AS3MT: variants seen among roughly 807,000 people sequenced by gnomAD.
AS3MT encodes arsenite methyltransferase.
A neutral mutation model predicts 45.3 loss-of-function variants in AS3MT; 47 were observed. The observed-to-expected ratio is 1.04, with a 90% CI of 0.82 to 1.32. The LOEUF (loss-of-function observed/expected upper bound fraction) is 1.32, where lower values mean the gene tolerates loss of function less well. AS3MT is among the 40% of genes most tolerant of loss of function. The pLI, the probability that AS3MT is intolerant of heterozygous loss-of-function variation, is 0.00. For synonymous variants in AS3MT, 141 were observed against 152.8 expected (o/e 0.92, Z 0.57); for missense variants, 396 against 451.1 (o/e 0.88, Z 1.11).
At chr10:102,878,314 A>G in intron 7 of AS3MT, 65 bp from the exon 8 acceptor site, 1 of 1,565,246 alleles carries the variant, frequency 6.4e-7, no homozygotes, top group Non-Finnish European at 8.6e-7. Flanking sequence ...ATAGAAGAAT[A>G]GTTCCCTTAA....
At chr10:102,871,711 G>C (rs1423204289) in intron 3 of AS3MT, among the ~76,000 whole-genome samples, 1 of 147,872 alleles carries the variant, frequency 6.8e-6, no homozygotes, top group Non-Finnish European at 1.5e-5. Context: ...CTGGGCGACA[G>C]AGCGAGACTC....
At chr10:102,895,838 C>T (rs998022949) in intron 10 of AS3MT, among the ~76,000 whole-genome samples, 4 of 151,568 alleles carry the variant, frequency 2.6e-5, no homozygotes, top group African/African-American at 7.3e-5. Flanking sequence ...TGCAATGGTG[C>T]GGTCTTGGCT....
rs1844821347 is a variant in AS3MT, at chr10:102,878,422, C to T, written c.654C>T (p.Val218=). The change falls in exon 8 of 11, where the codon GTC becomes GTT. Residue 218 remains valine (V), a synonymous_variant. Coordinates refer to ENST00000369880, the MANE Select transcript of AS3MT (RefSeq NM_020682.4). ...CTTTATACTGGAAGGAACTTGCTGT[C>T]CTTGCTCAAAAAATTGGGTTCTGCC... is the stretch of plus-strand genomic sequence containing the variant. ...GGALYWKELA[V]LAQKIGFCPP... is the part of the protein sequence containing the mutation. 6.2e-7 allele frequency: 1 copy of T among 1,613,790 alleles called. No individual in the cohort carries two copies. The highest frequency in any genetic ancestry group is 8.5e-7 in the Non-Finnish European group (1 of 1,179,996).
At chr10:102,889,401 A>G (rs1025578977) in intron 9 of AS3MT, among the ~76,000 whole-genome samples, 4 of 152,054 alleles carry the variant, frequency 2.6e-5, no homozygotes. Flanking sequence ...CTTGCTGCAA[A>G]TGACAGGATT....
chr10:102,898,911 G>T (rs1845226873), intron 10 of AS3MT, among the ~76,000 whole-genome samples: 1 of 152,164 alleles, frequency 6.6e-6, no homozygotes. Flanking sequence ...CCAGTGTGCT[G>T]CTCCATCTCT....
At chr10:102,872,785 C>T (rs141498202) in intron 4 of AS3MT, among the ~76,000 whole-genome samples, 187 bp downstream of exon 4, 22 of 152,250 alleles carry the variant, frequency 1.4e-4, no homozygotes, top group Admixed American at 1.0e-3. Context: ...TTCTTCTGGG[C>T]GAACACAAGA....
chr10:102,870,076 TG>T lies in AS3MT; in HGVS notation c.43-5del. The stretch of plus-strand genomic sequence containing the variant: ...TACCCCTCACTCCACTGTGGGACGC[TG>T]GGTCAGACCTACTACGGGCAGGTGC... On this transcript the variant is annotated splice_polypyrimidine_tract_variant and splice_region_variant and intron_variant, in intron 2 of 10. Transcript: ENST00000369880. 6.2e-7 allele frequency: 1 copy of T among 1,613,650 alleles called. No homozygotes were observed.
chr10:102,895,133 C>T (rs761691777), intron 10 of AS3MT, among the ~76,000 whole-genome samples: 12 of 152,006 alleles, frequency 7.9e-5, no homozygotes, highest in Non-Finnish European at 1.6e-4. Flanking sequence ...TGAATTTATA[C>T]AGCTTAACTT....
chr10:102,889,618 T>G (rs7476192), intron 9 of AS3MT, among the ~76,000 whole-genome samples: 21,765 of 93,932 alleles, frequency 0.23, 1,989 homozygotes, highest in East Asian at 0.37. Context: ...CTGCCTGCCT[T>G]CCTTCCTTCC....
At chr10:102,876,026 G>A (rs1590220116) in intron 6 of AS3MT, among the ~76,000 whole-genome samples, 2 of 152,136 alleles carry the variant, frequency 1.3e-5, no homozygotes, top group African/African-American at 4.8e-5. Flanking sequence ...ATTTAGTGAT[G>A]TCTTTGTTAG....
intron 10 of AS3MT, among the ~76,000 whole-genome samples, chr10:102,893,495 C>CT (rs35072963): frequency 0.01 from 1,100 of 106,164 alleles, 6 homozygotes; most frequent in Non-Finnish European, 0.014. Flanking sequence ...ATTTTTTTTT[C>CT]TTTTTTTTTT....
chr10:102,878,910 C>A lies in AS3MT; in HGVS notation c.804C>A (p.Thr268=). ...TCAAACACTCTAAGACAGGACCAACCAAGAGATGCCAAGTTATTTACAATG... is the reference window on the plus strand; with the variant it reads ...TCAAACACTCTAAGACAGGACCAACAAAGAGATGCCAAGTTATTTACAATG... ...RLFKHSKTGP[T]KRCQVIYNGG... The change falls in exon 9 of 11, where the codon ACC becomes ACA. Residue 268 remains threonine, a synonymous_variant. Coordinates refer to ENST00000369880, the MANE Select transcript of AS3MT (RefSeq NM_020682.4). 6.2e-7 allele frequency: 1 copy of A among 1,613,982 alleles called. No homozygotes were observed. The highest frequency in any genetic ancestry group is 1.1e-5 in the South Asian group (1 of 91,074).
At chr10:102,874,020 C>T (rs1187997207) in intron 5 of AS3MT, among the ~76,000 whole-genome samples, 1 of 151,914 alleles carries the variant, frequency 6.6e-6, no homozygotes, top group Non-Finnish European at 1.5e-5. Context: ...TTTGGGAGGC[C>T]GAGGCAGGTG....
At chr10:102,883,137 G>A (rs1267507421) in intron 9 of AS3MT, among the ~76,000 whole-genome samples, 1 of 143,488 alleles carries the variant, frequency 7.0e-6, no homozygotes, top group East Asian at 2.1e-4. Flanking sequence ...GTCTTGCTCT[G>A]TTGCCCAGGC....
intron 9 of AS3MT, among the ~76,000 whole-genome samples, chr10:102,885,543 T>G (rs1200905781): frequency 7.0e-5 from 2 of 28,436 alleles, no homozygotes; most frequent in African/African-American, 2.3e-4. Context: ...TTTTTTTTTT[T>G]TTTTGAGACG....
In AS3MT at chr10:102,901,662, G is replaced by A. The variant is rs1845271706; in HGVS notation, c.*962G>A. ...TCAAGAAGCAGGAAAGGCATCAGAA[G>A]AAGTAACAGTTGGCAGAGGGTCTCA... On this transcript the variant is annotated 3_prime_UTR_variant, in exon 11 of 11. Transcript: ENST00000369880. The A allele has an allele frequency of 6.6e-6, 1 of 152,176 alleles. No individual in the cohort carries two copies. Among genetic ancestry groups the A allele is most frequent in the African/African-American group, 2.4e-5 (1 of 41,444 alleles). 9.4% of individuals were successfully genotyped at this position (152,176 alleles called of 1,614,324 possible).
chr10:102,893,058 C>CAA (rs34643607), intron 10 of AS3MT, among the ~76,000 whole-genome samples: 1,737 of 142,002 alleles, frequency 0.012, 35 homozygotes, highest in African/African-American at 0.036. Flanking sequence ...TGAAAGACCA[C>CAA]AAAAAAAAAA....
At chr10:102,899,325 C>T (rs755186512) in intron 10 of AS3MT, among the ~76,000 whole-genome samples, 17 of 152,004 alleles carry the variant, frequency 1.1e-4, no homozygotes, top group Non-Finnish European at 2.1e-4. Context: ...GCAGGAGTTC[C>T]AGTATACTGA....
rs527286262 is a variant in AS3MT at position 102,871,256 on chromosome 10, C to CA, written c.170+1053dup. 7.1e-4 allele frequency among the ~76,000 whole-genome samples: 104 copies of CA among 147,002 alleles called. No homozygotes were observed. In the East Asian group the frequency reaches 0.013, roughly 18 times the overall value. On this transcript the variant is annotated intron_variant, in intron 3 of 10. Coordinates refer to ENST00000369880, the MANE Select transcript of AS3MT (RefSeq NM_020682.4). ...AAAACTCAGTCAAAACAAAACAAAA[C>CA]AAAAAAAAGGCCGGGGGTGGTGGCT...
Sources: allele counts gnomAD v4.1 joint callset (sites outside exome capture counted in the v4.1 genomes callset), GRCh38; gene constraint gnomAD v4.1.1; transcripts MANE v1.5; gene names NCBI Gene and HGNC (gene_info 2026-07-23, HGNC 2026-07-21).